FERMT2: variants seen among roughly 807,000 people sequenced by gnomAD.
FERMT2 encodes the protein fermitin family homolog 2.
In FERMT2, 15 loss-of-function variants were observed where a neutral mutation model predicts 82.7. That is an observed-to-expected ratio of 0.18 (90% CI 0.12 to 0.28). The LOEUF is 0.28. Among genes scored for constraint, FERMT2 ranks in the 10% least tolerant of loss-of-function variants. The pLI is 1.00. For synonymous variants in FERMT2, 274 were observed against 271.5 expected, an observed-to-expected ratio of 1.01 and a Z score of -0.09; for missense variants, 645 against 809.4, an observed-to-expected ratio of 0.80 and a Z score of 2.46.
At chr14:52,875,686 T>G (rs1390742576) in intron 7 of FERMT2, among the ~76,000 whole-genome samples, 1 of 152,000 alleles carries the variant, frequency 6.6e-6, no homozygotes, top group African/African-American at 2.4e-5. Context: ...TAATCTGCCC[T>G]GTGTCTATAA....
chr14:52,860,086 C>G lies in FERMT2; in HGVS notation c.1727+255G>C, dbSNP rs1047374493. ...CCCACCTCGGCCTCCCACAGTGCTGCGATTACAGGCGTGAGCCACCGTGCC... is the reference window on the plus strand; with the variant it reads ...CCCACCTCGGCCTCCCACAGTGCTGGGATTACAGGCGTGAGCCACCGTGCC... On this transcript the variant is annotated intron_variant, in intron 13 of 14. Transcript: ENST00000341590. 8 of 363,170 alleles carry G rather than the reference C, an allele frequency of 2.2e-5. No homozygotes were observed. In the East Asian group the frequency reaches 3.8e-4, roughly 17 times the overall value. The allele number at this position is 363,170 out of a possible 1,614,324, so 22.5% of individuals were successfully genotyped here.
rs141261474 is a variant in FERMT2, at chr14:52,875,201, T to TA, written c.1098+21dup. On this transcript the variant is annotated intron_variant, in intron 8 of 14. Transcript: ENST00000341590. ...CATCAATTCAAGCTAAATTAGTAGGTAAAAAAAAAGATTCACCCTACCAAA... is the reference window on the plus strand; with the variant it reads ...CATCAATTCAAGCTAAATTAGTAGGTAAAAAAAAAAGATTCACCCTACCAAA... 659 of 1,562,888 alleles carry TA rather than the reference T, an allele frequency of 4.2e-4. 1 individual carries two copies. In the Middle Eastern group the frequency reaches 7.7e-3, roughly 18 times the overall value.
chr14:52,909,103 G>C (rs1231174965), intron 3 of FERMT2, among the ~76,000 whole-genome samples: 1 of 152,174 alleles, frequency 6.6e-6, no homozygotes, highest in Non-Finnish European at 1.5e-5. Context: ...GTTCTGCTTT[G>C]CTGTTAGGAC....
chr14:52,932,163 T>C (rs762843389), intron 2 of FERMT2, among the ~76,000 whole-genome samples: 46 of 152,210 alleles, frequency 3.0e-4, no homozygotes, highest in Non-Finnish European at 4.4e-4. Context: ...AGTTAGCATA[T>C]GTAGGAATTA....
intron 2 of FERMT2, among the ~76,000 whole-genome samples, chr14:52,933,488 A>G (rs1030369526): frequency 4.6e-5 from 7 of 151,884 alleles, no homozygotes; most frequent in Admixed American, 2.6e-4. Context: ...GTGGGGGGGA[A>G]TCACCTAAGG....
intron 2 of FERMT2, among the ~76,000 whole-genome samples, chr14:52,931,755 G>A (rs1420296188): frequency 1.3e-5 from 2 of 152,198 alleles, no homozygotes; most frequent in African/African-American, 4.8e-5. Context: ...AGGGGCGGGC[G>A]CGGTGGCTCA....
chr14:52,892,938 T>C (rs577647974), intron 4 of FERMT2, among the ~76,000 whole-genome samples: 22 of 152,324 alleles, frequency 1.4e-4, no homozygotes, highest in South Asian at 1.0e-3. Flanking sequence ...ACATGATGAT[T>C]TGCACATGAG....
chr14:52,918,182 G>A (rs533387467), intron 3 of FERMT2, among the ~76,000 whole-genome samples: 6 of 152,152 alleles, frequency 3.9e-5, no homozygotes, highest in East Asian at 1.9e-4. Context: ...TTAATAGTAC[G>A]TCTATACTCT....
At chr14:52,878,143 C>T (rs762456597) in intron 7 of FERMT2, among the ~76,000 whole-genome samples, 2 of 152,154 alleles carry the variant, frequency 1.3e-5, no homozygotes, top group East Asian at 3.8e-4. Context: ...ATCTTATCAC[C>T]TAAAAGCATC....
chr14:52,944,392 A>G (rs1201034371), intron 2 of FERMT2, among the ~76,000 whole-genome samples: 1 of 152,220 alleles, frequency 6.6e-6, no homozygotes, highest in East Asian at 1.9e-4. Flanking sequence ...TCAAGGGGAA[A>G]AACTAAGGAT....
rs375313835 is a variant in FERMT2, at chr14:52,879,221, T to C, written c.856-532A>G. ...TATGCAAAATACAGGGCAAATATAC[T>C]TGTGGAAAATGTTTACTTATATGTT... On this transcript the variant is annotated intron_variant, in intron 6 of 14. Transcript: ENST00000341590. Among the ~76,000 whole-genome samples, 7 of 152,332 alleles carry C rather than the reference T, an allele frequency of 4.6e-5. No individual in the cohort carries two copies. In the East Asian group the frequency reaches 9.6e-4, roughly 21 times the overall value.
chr14:52,888,996 C>T (rs1452259307), intron 4 of FERMT2, among the ~76,000 whole-genome samples: 1 of 151,966 alleles, frequency 6.6e-6, no homozygotes, highest in Admixed American at 6.6e-5. Flanking sequence ...GAGAAGGAGA[C>T]GGGTGTGTGC....
chr14:52,892,039 T>C (rs1886959066), intron 4 of FERMT2, among the ~76,000 whole-genome samples: 1 of 151,952 alleles, frequency 6.6e-6, no homozygotes, highest in Admixed American at 6.5e-5. Context: ...GAAAGATGCC[T>C]AATTCAGATT....
chr14:52,887,405 T>C (rs1418290300), intron 4 of FERMT2, among the ~76,000 whole-genome samples: 4 of 151,752 alleles, frequency 2.6e-5, no homozygotes, highest in African/African-American at 9.7e-5. Context: ...CCCAACTACT[T>C]GGGAGGCGGA....
chr14:52,890,136 A>T (rs1886853310), intron 4 of FERMT2, among the ~76,000 whole-genome samples: 1 of 149,906 alleles, frequency 6.7e-6, no homozygotes, highest in African/African-American at 2.5e-5. Flanking sequence ...AAAAAAAAAT[A>T]CATAAAATAA....
At chr14:52,947,489 A>T (rs935647188) in intron 2 of FERMT2, among the ~76,000 whole-genome samples, 22 of 152,274 alleles carry the variant, frequency 1.4e-4, no homozygotes, top group Admixed American at 1.2e-3. Context: ...CAAAAAGTAA[A>T]AAATAAATAA....
chr14:52,861,180 T>A (rs1884908058), intron 12 of FERMT2: 2 of 629,230 alleles, frequency 3.2e-6, no homozygotes, highest in Admixed American at 7.1e-5. Flanking sequence ...CTACTTTAGG[T>A]AGAAACCAAG....
At chr14:52,902,596 C>A (rs552083122) in intron 3 of FERMT2, among the ~76,000 whole-genome samples, 1 of 151,610 alleles carries the variant, frequency 6.6e-6, no homozygotes, top group Non-Finnish European at 1.5e-5. Flanking sequence ...TGGCCAGACA[C>A]AGTGTCTCAT....
At chr14:52,894,015 A>G (rs1355566413) in intron 3 of FERMT2, among the ~76,000 whole-genome samples, 2 of 152,250 alleles carry the variant, frequency 1.3e-5, no homozygotes, top group East Asian at 3.9e-4. Context: ...TTTAATAGAG[A>G]CAGGGTTTCT....
Sources: gnomAD v4.1 joint callset for allele counts (sites outside exome capture counted in the v4.1 genomes callset) on GRCh38, gnomAD v4.1.1 for gene constraint, MANE v1.5 for transcripts, NCBI Gene and HGNC (gene_info 2026-07-23, HGNC 2026-07-21) for gene names.